AOPEP: variants seen among roughly 807,000 people sequenced by gnomAD.
The protein encoded by AOPEP is aminopeptidase O (putative).
Under a neutral mutation model 98.1 loss-of-function variants are expected in AOPEP, and 77 were observed. The ratio of observed to expected loss-of-function variants is 0.78; its 90% CI spans 0.65 to 0.95. The LOEUF (loss-of-function observed/expected upper bound fraction) is 0.95, where lower values mean the gene tolerates loss of function less well. Among genes scored for constraint, AOPEP ranks in the 40% least tolerant of loss-of-function variants. AOPEP has a pLI of 0.00. For missense variants in AOPEP, 1,024 were observed against 1,024.7 expected, an observed-to-expected ratio of 1.00 and a Z score of 0.01; for synonymous variants, 346 against 365.3, an observed-to-expected ratio of 0.95 and a Z score of 0.60.
chr9:95,044,067 G>A (rs2065604525), intron 13 of AOPEP, among the ~76,000 whole-genome samples: 2 of 152,190 alleles, frequency 1.3e-5, no homozygotes, highest in Non-Finnish European at 1.5e-5. Context: ...CACGTGCGAA[G>A]TTCTCTGGGA....
chr9:94,951,044 G>A (rs530699045), intron 7 of AOPEP, among the ~76,000 whole-genome samples: 1 of 152,342 alleles, frequency 6.6e-6, no homozygotes, highest in African/African-American at 2.4e-5. Flanking sequence ...GAAGGCGTGG[G>A]GAAGGGAAAG....
chr9:95,029,783 C>T (rs2064141403), intron 13 of AOPEP, among the ~76,000 whole-genome samples: 1 of 152,142 alleles, frequency 6.6e-6, no homozygotes, highest in South Asian at 2.1e-4. Context: ...TTTATAATAA[C>T]CAAATCTGTT....
At chr9:94,741,439 A>G (rs1833086851) in intron 1 of AOPEP, among the ~76,000 whole-genome samples, 1 of 151,460 alleles carries the variant, frequency 6.6e-6, no homozygotes. Flanking sequence ...TGCCTGGCTA[A>G]TTTTTGTATT....
chr9:95,018,861 T>G (rs1162874710), intron 13 of AOPEP: 2 of 152,174 alleles, frequency 1.3e-5, no homozygotes, highest in African/African-American at 2.4e-5. Flanking sequence ...GTGAGGGGAC[T>G]TCTCTAAGGC....
At chr9:94,728,239 G>GCGCGCGCGCGCGCGCACA (rs113657409) in intron 1 of AOPEP, among the ~76,000 whole-genome samples, 471 of 146,598 alleles carry the variant, frequency 3.2e-3, no homozygotes, top group Non-Finnish European at 5.7e-3. Context: ...GTGCGCGCAT[G>GCGCGCGCGCGCGCGCACA]CACACACACA....
At chr9:94,950,302 T>C (rs2058012977) in intron 7 of AOPEP, among the ~76,000 whole-genome samples, 2 of 152,234 alleles carry the variant, frequency 1.3e-5, no homozygotes, top group African/African-American at 4.8e-5. Context: ...CACATTTACA[T>C]TGAGCTACTG....
intron 5 of AOPEP, chr9:94,900,431 C>A (rs1387291759): frequency 6.6e-6 from 1 of 152,156 alleles, no homozygotes; most frequent in Admixed American, 6.5e-5. Flanking sequence ...CTGCTGAGGC[C>A]GGCGATTATT....
intron 2 of AOPEP, among the ~76,000 whole-genome samples, chr9:94,767,228 G>A (rs1375337861): frequency 6.6e-6 from 1 of 152,144 alleles, no homozygotes; most frequent in East Asian, 1.9e-4. Context: ...CTGCAGAGTC[G>A]GAATCATGAG....
At chr9:95,043,336 G>A (rs2065531304) in intron 13 of AOPEP, among the ~76,000 whole-genome samples, 1 of 150,966 alleles carries the variant, frequency 6.6e-6, no homozygotes, top group African/African-American at 2.4e-5. Context: ...AGTAGAAAAA[G>A]TCATTTGCAT....
intron 5 of AOPEP, among the ~76,000 whole-genome samples, chr9:94,880,633 G>A (rs1588679584): frequency 6.6e-6 from 1 of 152,136 alleles, no homozygotes. Context: ...TGGGATTACA[G>A]GCATGAGCCA....
chr9:94,922,485 T>A (rs1321042744), intron 5 of AOPEP, among the ~76,000 whole-genome samples: 1 of 152,254 alleles, frequency 6.6e-6, no homozygotes, highest in Non-Finnish European at 1.5e-5. Context: ...ATTTACTTGG[T>A]ACATTTCTGT....
At chr9:95,056,844 C>T (rs1477935242) in intron 13 of AOPEP, among the ~76,000 whole-genome samples, 2 of 152,292 alleles carry the variant, frequency 1.3e-5, no homozygotes, top group East Asian at 1.9e-4. Flanking sequence ...TGACTGACCT[C>T]GTTTAGCATT....
rs185914163 is a variant in AOPEP, at chr9:95,086,525, G to A, written c.*5-157G>A. ...AGGCCAGCGTCACACGGCTCGCTGT[G>A]ACCCGTCCCGGAGACTGAAATGGGC... On this transcript the variant is annotated intron_variant, in intron 16 of 16. Coordinates refer to ENST00000375315, the MANE Select transcript of AOPEP (RefSeq NM_001193329.3). 5,603 of 985,384 alleles carry A rather than the reference G, an allele frequency of 5.7e-3. 29 individuals carry two copies. Among genetic ancestry groups the A allele is most frequent in the Non-Finnish European group, 6.0e-3 (5,012 of 829,932 alleles). The allele number at this position is 985,384 out of a possible 1,614,324, so 61.0% of individuals were successfully genotyped here.
At chr9:94,756,295 G>A (rs1469738091) in intron 1 of AOPEP, among the ~76,000 whole-genome samples, 1 of 151,558 alleles carries the variant, frequency 6.6e-6, no homozygotes, top group African/African-American at 2.4e-5. Flanking sequence ...TAGGTGTGAT[G>A]GCTCACACCT....
At chr9:95,068,912 G>A (rs949220941) in intron 14 of AOPEP, among the ~76,000 whole-genome samples, 1 of 152,120 alleles carries the variant, frequency 6.6e-6, no homozygotes, top group Non-Finnish European at 1.5e-5. Context: ...CCTTTGAGTG[G>A]TGGGTTTCTT....
intron 5 of AOPEP, among the ~76,000 whole-genome samples, chr9:94,830,641 G>GA (rs1478899883): frequency 6.6e-6 from 1 of 152,162 alleles, no homozygotes; most frequent in Non-Finnish European, 1.5e-5. Flanking sequence ...TGTCTTCCAC[G>GA]ATGGTTGAAA....
chr9:95,078,869 C>T (rs924159591), intron 14 of AOPEP, among the ~76,000 whole-genome samples: 1 of 152,222 alleles, frequency 6.6e-6, no homozygotes, highest in African/African-American at 2.4e-5. Context: ...TTTCTTCTAG[C>T]GGCTTCCTCT....
chr9:95,126,978 G>C, the AOPEP span: 11 of 258,298 alleles, frequency 4.3e-5, no homozygotes, highest in Admixed American at 4.4e-4. Flanking sequence ...GATGTGCCTC[G>C]AGGTCAGGCC....
intron 5 of AOPEP, among the ~76,000 whole-genome samples, chr9:94,869,427 CT>C (rs1462075395): frequency 6.6e-6 from 1 of 152,072 alleles, no homozygotes; most frequent in Admixed American, 6.6e-5. Flanking sequence ...TAGTGATTAG[CT>C]TTTGAGGCTG....
Sources: gnomAD v4.1 joint callset for allele counts (sites outside exome capture counted in the v4.1 genomes callset) on GRCh38, gnomAD v4.1.1 for gene constraint, MANE v1.5 for transcripts, NCBI Gene and HGNC (gene_info 2026-07-23, HGNC 2026-07-21) for gene names.